P2RY8: variants seen among roughly 807,000 people sequenced by gnomAD.
P2RY8 encodes the protein P2Y receptor family member 8.
A neutral mutation model predicts 10.0 loss-of-function variants in P2RY8; 6 were observed. The observed-to-expected ratio is 0.60, with a 90% CI of 0.33 to 1.19. The LOEUF is 1.19. P2RY8 is among the 50% of genes most tolerant of loss of function. The pLI, the probability that P2RY8 is intolerant of heterozygous loss-of-function variation, is 0.04. For synonymous variants in P2RY8, 276 were observed against 252.5 expected (o/e 1.09, Z -0.88); for missense variants, 456 against 542.0 (o/e 0.84, Z 1.58).
chrX:1,502,289 A>G (rs1441261926), intron 1 of P2RY8, among the ~76,000 whole-genome samples: 1 of 152,142 alleles, frequency 6.6e-6, no homozygotes, highest in Non-Finnish European at 1.5e-5. Flanking sequence ...CACGAGCAAG[A>G]ACATGGATTT....
At chrX:1,530,526 G>A (rs1317782346) in intron 1 of P2RY8, among the ~76,000 whole-genome samples, 6 of 144,072 alleles carry the variant, frequency 4.2e-5, no homozygotes, top group South Asian at 4.6e-4. Context: ...ATTTATGTAC[G>A]TACATATGTA....
At chrX:1,509,212 TAGCC>T (rs2092270959) in intron 1 of P2RY8, among the ~76,000 whole-genome samples, 20 of 149,094 alleles carry the variant, frequency 1.3e-4, no homozygotes, top group African/African-American at 3.7e-4. Flanking sequence ...TCTACCTATC[TAGCC>T]ATCCATCTAT....
intron 1 of P2RY8, among the ~76,000 whole-genome samples, chrX:1,531,052 A>ATCTATCTC (rs1429372056): frequency 3.4e-5 from 4 of 118,046 alleles, no homozygotes; most frequent in Non-Finnish European, 7.4e-5. Flanking sequence ...GATTCTATCT[A>ATCTATCTC]TCTGTCTGTC....
At chrX:1,517,454 G>A (rs1304324765) in intron 1 of P2RY8, among the ~76,000 whole-genome samples, 2 of 152,174 alleles carry the variant, frequency 1.3e-5, no homozygotes, top group Admixed American at 1.3e-4. Context: ...CCGCCTCTGT[G>A]TGCCTTGTGG....
At chrX:1,519,470 T>C (rs1412087001) in intron 1 of P2RY8, among the ~76,000 whole-genome samples, 1 of 151,802 alleles carries the variant, frequency 6.6e-6, no homozygotes, top group East Asian at 1.9e-4. Context: ...TTCTCTCTGG[T>C]TCCCAATAAT....
intron 1 of P2RY8, among the ~76,000 whole-genome samples, chrX:1,533,747 T>C (rs1384780104): frequency 1.6e-5 from 2 of 124,130 alleles, no homozygotes; most frequent in East Asian, 2.7e-4. Flanking sequence ...ATATATTATT[T>C]ATTATTTATA....
chrX:1,531,782 C>T (rs1422383300), intron 1 of P2RY8, among the ~76,000 whole-genome samples: 3 of 152,176 alleles, frequency 2.0e-5, no homozygotes, highest in African/African-American at 7.2e-5. Flanking sequence ...CTCAAGGTCC[C>T]AGCCCGGCTC....
intron 1 of P2RY8, among the ~76,000 whole-genome samples, chrX:1,529,732 C>A (rs1444738698): frequency 1.3e-5 from 2 of 152,090 alleles, no homozygotes; most frequent in Admixed American, 1.3e-4. Context: ...AGCTCTCTGG[C>A]ACCTATATCT....
At chrX:1,497,241 AG>A in intron 1 of P2RY8, among the ~76,000 whole-genome samples, 5 of 145,632 alleles carry the variant, frequency 3.4e-5, no homozygotes, top group African/African-American at 1.2e-4. Context: ...AAAAAAGAAA[AG>A]AAAAAGAAAA....
chrX:1,481,123 C>T (rs1483086043), intron 1 of P2RY8, among the ~76,000 whole-genome samples: 14 of 151,946 alleles, frequency 9.2e-5, no homozygotes, highest in Non-Finnish European at 1.8e-4. Flanking sequence ...CACAAGAAGA[C>T]GGTCCCTGCA....
intron 1 of P2RY8, 89 bp from the exon 2 acceptor site, chrX:1,466,671 G>C (rs2091683152): frequency 7.7e-7 from 1 of 1,291,538 alleles, no homozygotes; most frequent in African/African-American, 1.5e-5. Context: ...GCTCCCCGGG[G>C]ACCAAGGCGG....
chrX:1,512,628 A>C (rs1488153133), intron 1 of P2RY8, among the ~76,000 whole-genome samples: 1 of 151,844 alleles, frequency 6.6e-6, no homozygotes, highest in Non-Finnish European at 1.5e-5. Flanking sequence ...ACAGTTCCAC[A>C]TGGCTAGGGA....
chrX:1,508,704 TTCTA>T (rs61715773), intron 1 of P2RY8, among the ~76,000 whole-genome samples: 24,959 of 111,718 alleles, frequency 0.22, 2,770 homozygotes, highest in East Asian at 0.28. Flanking sequence ...CATCCATCCA[TTCTA>T]TCTATCTATC....
rs1244637096 is a variant in P2RY8, at chrX:1,463,896, CCTTA to C, written c.*1579_*1582del. 2 of 233,154 alleles carry C rather than the reference CCTTA, an allele frequency of 8.6e-6. No individual in the cohort carries two copies. The highest frequency in any genetic ancestry group is 1.7e-5 in the Non-Finnish European group (2 of 118,042). The allele number at this position is 233,154 out of a possible 1,614,324, so 14.4% of individuals were successfully genotyped here. On this transcript the variant is annotated 3_prime_UTR_variant, in exon 2 of 2. Coordinates refer to ENST00000381297, the MANE Select transcript of P2RY8 (RefSeq NM_178129.5). The stretch of plus-strand genomic sequence containing the variant: ...CCATTGTAAATGCAGTATGGCCTCG[CCTTA>C]CTTAATTACATTTGGAAAGACCCGA...
chrX:1,520,455 T>C (rs2092382913), intron 1 of P2RY8, among the ~76,000 whole-genome samples: 2 of 151,374 alleles, frequency 1.3e-5, no homozygotes, highest in African/African-American at 4.9e-5. Context: ...TTCTCTCTGG[T>C]CCCCAATCAT....
chrX:1,472,796 T>C (rs1485227422), intron 1 of P2RY8, among the ~76,000 whole-genome samples: 1 of 146,730 alleles, frequency 6.8e-6, no homozygotes, highest in African/African-American at 2.5e-5. Context: ...AATTGATGGG[T>C]TGATGGGTAG....
chrX:1,529,508 C>G (rs1345622533), intron 1 of P2RY8, among the ~76,000 whole-genome samples: 2 of 151,994 alleles, frequency 1.3e-5, no homozygotes, highest in Admixed American at 6.6e-5. Flanking sequence ...GGAGGGTGTA[C>G]TCCTGGGGCG....
At chrX:1,513,750 G>A (rs2092317729) in intron 1 of P2RY8, among the ~76,000 whole-genome samples, 1 of 150,354 alleles carries the variant, frequency 6.7e-6, no homozygotes, top group South Asian at 2.1e-4. Context: ...CCTTCTGGGA[G>A]GCTCTAAGGG....
chrX:1,524,859 A>G (rs2092429096), intron 1 of P2RY8, among the ~76,000 whole-genome samples: 1 of 106,122 alleles, frequency 9.4e-6, no homozygotes, highest in South Asian at 2.9e-4. Context: ...CCACTCATCC[A>G]TTCAACCATC....
Sources: allele counts gnomAD v4.1 joint callset (sites outside exome capture counted in the v4.1 genomes callset), GRCh38; gene constraint gnomAD v4.1.1; transcripts MANE v1.5; gene names NCBI Gene and HGNC (gene_info 2026-07-23, HGNC 2026-07-21).